Variants in ZFHX3 observed in about 807,000 individuals in gnomAD.
The protein encoded by ZFHX3 is zinc finger homeobox protein 3.
ZFHX3 carries 42 observed loss-of-function variants against 279.1 expected under a neutral mutation model. That is an observed-to-expected ratio of 0.15 (90% CI 0.12 to 0.19). The LOEUF is 0.19. Among genes scored for constraint, ZFHX3 ranks in the 10% least tolerant of loss-of-function variants. ZFHX3 has a pLI of 1.00. For synonymous variants in ZFHX3, 2,293 were observed against 1,957.8 expected, an observed-to-expected ratio of 1.17 and a Z score of -4.52; for missense variants, 4,981 against 4,754.0, an observed-to-expected ratio of 1.05 and a Z score of -1.40.
At chr16:73,765,706 C>T (rs1029150182) in intron 1 of ZFHX3, among the ~76,000 whole-genome samples, 2 of 152,230 alleles carry the variant, frequency 1.3e-5, no homozygotes, top group Non-Finnish European at 2.9e-5. Context: ...TTGCTCCACA[C>T]AGAACAGAAA....
intron 2 of ZFHX3, among the ~76,000 whole-genome samples, chr16:73,468,768 G>A (rs950478814): frequency 4.6e-5 from 7 of 151,532 alleles, no homozygotes; most frequent in Admixed American, 2.6e-4. Flanking sequence ...AGATTTGGGA[G>A]GAGAAAAGAT....
At chr16:72,906,826 G>T (rs184089687) in intron 3 of ZFHX3, among the ~76,000 whole-genome samples, 2 of 152,136 alleles carry the variant, frequency 1.3e-5, no homozygotes, top group East Asian at 3.9e-4. Flanking sequence ...AAAAACTAAT[G>T]ACTGGGAAAA....
intron 1 of ZFHX3, among the ~76,000 whole-genome samples, chr16:73,018,777 C>T (rs986647787): frequency 1.3e-5 from 2 of 152,194 alleles, no homozygotes; most frequent in Non-Finnish European, 2.9e-5. Context: ...AATGCTAAAA[C>T]TGGCTGTCAG....
intron 5 of ZFHX3, among the ~76,000 whole-genome samples, chr16:73,186,594 TTGAG>T (rs1156702993): frequency 3.3e-5 from 5 of 151,594 alleles, no homozygotes; most frequent in Non-Finnish European, 4.4e-5. Flanking sequence ...TTAACTCCTA[TTGAG>T]TGTTTTATGC....
intron 3 of ZFHX3, among the ~76,000 whole-genome samples, chr16:73,336,755 A>G (rs1005673479): frequency 2.0e-5 from 3 of 152,120 alleles, no homozygotes; most frequent in Non-Finnish European, 4.4e-5. Context: ...TCTGGGTTCA[A>G]ACCTTTCATC....
chr16:72,958,133 G>C lies in ZFHX3; in HGVS notation c.2013C>G (p.Leu671=). ...MMHSRNSCKT[L]KCPKCNWHYK... ...AGTGCCAGTTGCACTTGGGGCACTTGAGTGTCTTACACGAGTTACGAGAAT... is the reference window on the plus strand; with the variant it reads ...AGTGCCAGTTGCACTTGGGGCACTTCAGTGTCTTACACGAGTTACGAGAAT... The change falls in exon 2 of 10, where the codon CTC becomes CTG. Residue 671 remains leucine (L), a synonymous_variant. Coordinates refer to ENST00000268489, the MANE Select transcript of ZFHX3 (RefSeq NM_006885.4). 1 of 1,614,196 alleles carries C rather than the reference G, an allele frequency of 6.2e-7. No homozygotes were observed. Among genetic ancestry groups the C allele is most frequent in the East Asian group, 2.2e-5 (1 of 44,872 alleles).
At chr16:73,139,484 T>C (rs1227804821) in intron 6 of ZFHX3, among the ~76,000 whole-genome samples, 1 of 152,266 alleles carries the variant, frequency 6.6e-6, no homozygotes, top group Non-Finnish European at 1.5e-5. Flanking sequence ...GTACATTATC[T>C]TTTAATCAGA....
chr16:73,710,042 G>C (rs1286580473), intron 1 of ZFHX3, among the ~76,000 whole-genome samples: 1 of 151,994 alleles, frequency 6.6e-6, no homozygotes, highest in Non-Finnish European at 1.5e-5. Context: ...AAATTGGCTG[G>C]TGTGGTAGCG....
rs115074317 is a variant in ZFHX3 at position 72,906,378 on chromosome 16, G to T, written c.3217-16416C>A. Among the ~76,000 whole-genome samples, 1,465 of 151,984 alleles carry T rather than the reference G, an allele frequency of 9.6e-3. 24 individuals carry two copies. Among genetic ancestry groups the T allele is most frequent in the African/African-American group, 0.03 (1,234 of 41,454 alleles). ...GAAGCCGTGGTCGATGATCGCACTG[G>T]GGGGGCATGGGACCGGGGTGGGGAG... On this transcript the variant is annotated intron_variant, in intron 3 of 9. Coordinates refer to ENST00000268489, the MANE Select transcript of ZFHX3 (RefSeq NM_006885.4).
rs1961646678 is a variant in ZFHX3 at position 72,962,879 on chromosome 16, A to G, written c.-49-2685T>C. Among the ~76,000 whole-genome samples the G allele has an allele frequency of 3.9e-5, 6 of 152,116 alleles. No individual in the cohort carries two copies. The South Asian group carries it at 1.3e-3, about 32-fold the overall frequency. On this transcript the variant is annotated intron_variant, in intron 1 of 9. Coordinates refer to ENST00000268489, the MANE Select transcript of ZFHX3 (RefSeq NM_006885.4). ...GGAGGTGCAGGGATGGAGATGGAGAAGAGGGGGACGCGCGCACAGAGGTAA... is the reference window on the plus strand; with the variant it reads ...GGAGGTGCAGGGATGGAGATGGAGAGGAGGGGGACGCGCGCACAGAGGTAA...
At chr16:72,890,963 T>TAATA (rs1412482512) in intron 3 of ZFHX3, among the ~76,000 whole-genome samples, 2 of 152,196 alleles carry the variant, frequency 1.3e-5, no homozygotes, top group Non-Finnish European at 2.9e-5. Context: ...CTGCTTCAGG[T>TAATA]AATAGCCTCT....
At chr16:72,812,327 G>A (rs920853914) in intron 5 of ZFHX3, among the ~76,000 whole-genome samples, 1 of 147,154 alleles carries the variant, frequency 6.8e-6, no homozygotes, top group Non-Finnish European at 1.5e-5. Context: ...AATTCAGTCT[G>A]TTCTAACCTC....
intron 1 of ZFHX3, among the ~76,000 whole-genome samples, chr16:73,830,881 C>T (rs932677595): frequency 6.6e-6 from 1 of 152,110 alleles, no homozygotes; most frequent in Non-Finnish European, 1.5e-5. Context: ...TTCAAAATCT[C>T]GAAGAAATCA....
rs1960203355 is a variant in ZFHX3 at position 72,937,829 on chromosome 16, T to C, written c.3216+12640A>G. ...TTGGTTTGTTTGTCCTATGCACGACTTTTTCAGTTTTCCAACAATCACTGG... is the reference window on the plus strand; with the variant it reads ...TTGGTTTGTTTGTCCTATGCACGACCTTTTCAGTTTTCCAACAATCACTGG... On this transcript the variant is annotated intron_variant, in intron 3 of 9. Coordinates refer to ENST00000268489, the MANE Select transcript of ZFHX3 (RefSeq NM_006885.4). Among the ~76,000 whole-genome samples the C allele has an allele frequency of 2.6e-5, 4 of 152,238 alleles. No homozygotes were observed. The South Asian group carries it at 8.3e-4, about 31-fold the overall frequency.
chr16:73,040,089 T>C (rs1453912135), intron 1 of ZFHX3, among the ~76,000 whole-genome samples: 3 of 152,148 alleles, frequency 2.0e-5, no homozygotes, highest in Non-Finnish European at 4.4e-5. Context: ...CAAAGCAACA[T>C]AAGGCAGGCT....
Position 73,780,724 on chromosome 16 carries a change from G to A in ZFHX3, c.-1607-100484C>T, listed in dbSNP as rs536064329. Among the ~76,000 whole-genome samples the A allele has an allele frequency of 4.1e-4, 63 of 152,334 alleles. 1 individual carries two copies. The Middle Eastern group carries it at 0.02, about 49-fold the overall frequency. ...CCCAAAGAGCTGGGATTACAGGCAC[G>A]AGCCACTGTGCCTGGCCTCATTGCA... is the stretch of plus-strand genomic sequence containing the variant. On this transcript the variant is annotated intron_variant, in intron 1 of 17. Transcript: ENST00000641206.
At chr16:73,606,837 G>C (rs1277839382) in intron 2 of ZFHX3, among the ~76,000 whole-genome samples, 1 of 152,094 alleles carries the variant, frequency 6.6e-6, no homozygotes, top group Non-Finnish European at 1.5e-5. Context: ...GCAGTGTTTG[G>C]TTTTCTGTTC....
chr16:73,568,601 A>G (rs968405439), intron 2 of ZFHX3, among the ~76,000 whole-genome samples: 1 of 152,164 alleles, frequency 6.6e-6, no homozygotes, highest in African/African-American at 2.4e-5. Context: ...CAGTTGGACA[A>G]GAAAGGGGAA....
chr16:73,716,429 AAATCGC>A (rs2053414825), intron 1 of ZFHX3, among the ~76,000 whole-genome samples: 1 of 152,194 alleles, frequency 6.6e-6, no homozygotes, highest in African/African-American at 2.4e-5. Flanking sequence ...GCTGGCCAGG[AAATCGC>A]AATTAAAAAG....
Sources: gnomAD v4.1 joint callset for allele counts (sites outside exome capture counted in the v4.1 genomes callset) on GRCh38, gnomAD v4.1.1 for gene constraint, MANE v1.5 for transcripts, NCBI Gene and HGNC (gene_info 2026-07-23, HGNC 2026-07-21) for gene names.